Variants in EML6 observed in about 807,000 individuals in gnomAD.
The protein encoded by EML6 is echinoderm microtubule-associated protein-like 6.
In EML6, 154 loss-of-function variants were observed where a neutral mutation model predicts 240.1. The ratio of observed to expected loss-of-function variants is 0.64; its 90% CI spans 0.56 to 0.73. The LOEUF is 0.73. EML6 is among the 30% of genes least tolerant of loss of function. The pLI is 0.00. For synonymous variants in EML6, 1,148 were observed against 899.0 expected, an observed-to-expected ratio of 1.28 and a Z score of -4.95; for missense variants, 2,964 against 2,474.6, an observed-to-expected ratio of 1.20 and a Z score of -4.20.
At chr2:54,781,124 C>T (rs1464545658) in intron 2 of EML6, among the ~76,000 whole-genome samples, 1 of 152,162 alleles carries the variant, frequency 6.6e-6, no homozygotes, top group African/African-American at 2.4e-5. Context: ...GGAATGATCC[C>T]AATGACCCAA....
At chr2:54,733,573 G>A (rs72913538) in intron 2 of EML6, among the ~76,000 whole-genome samples, 3,462 of 152,174 alleles carry the variant, frequency 0.023, 127 homozygotes, top group African/African-American at 0.071. Context: ...AGGGATTCAC[G>A]TCTCTGCTTC....
intron 7 of EML6, 107 bp downstream of exon 7, chr2:54,829,584 T>C: frequency 2.4e-6 from 2 of 831,558 alleles, no homozygotes; most frequent in Non-Finnish European, 3.6e-6. Context: ...GCAGTTTATA[T>C]AAATATATTG....
chr2:54,941,794 C>T (rs563042652), intron 28 of EML6, among the ~76,000 whole-genome samples: 28 of 152,360 alleles, frequency 1.8e-4, no homozygotes, highest in Admixed American at 1.6e-3. Flanking sequence ...AGCACTCCTG[C>T]TCCAGAGCCC....
intron 16 of EML6, 92 bp downstream of exon 16, chr2:54,871,697 G>A (rs538126304): frequency 3.3e-6 from 3 of 905,782 alleles, no homozygotes; most frequent in African/African-American, 1.7e-5. Context: ...ACGCGTGTGT[G>A]TGTATTTAAA....
intron 28 of EML6, among the ~76,000 whole-genome samples, chr2:54,937,844 A>G (rs1221758068): frequency 6.6e-6 from 1 of 152,192 alleles, no homozygotes; most frequent in Non-Finnish European, 1.5e-5. Context: ...TACTGTTTGT[A>G]TTTAAATCAT....
Position 54,968,023 on chromosome 2 carries a change from A to C in EML6, c.5598-105A>C. The C allele has an allele frequency of 3.5e-6, 4 of 1,150,042 alleles. No homozygotes were observed. The South Asian group carries it at 4.4e-5, about 13-fold the overall frequency. 71.2% of individuals were successfully genotyped at this position (1,150,042 alleles called of 1,614,324 possible). On this transcript the variant is annotated intron_variant, in intron 39 of 41. Coordinates refer to ENST00000356458, the MANE Select transcript of EML6 (RefSeq NM_001039753.4). ...GTGGCCTGGCTGTTGGGGACCCCTG[A>C]TGTTAAACATCCCTCTCTTCCTTAT...
chr2:54,797,957 G>C (rs978306411), intron 2 of EML6, among the ~76,000 whole-genome samples: 1 of 152,090 alleles, frequency 6.6e-6, no homozygotes, highest in South Asian at 2.1e-4. Flanking sequence ...CAAGGTTTTA[G>C]TTTTTTAAAA....
intron 12 of EML6, 96 bp downstream of exon 12, chr2:54,859,797 A>C (rs1670580079): frequency 2.0e-6 from 2 of 1,016,840 alleles, no homozygotes; most frequent in South Asian, 4.6e-5. Context: ...GGATTTAAGC[A>C]ATTTTGGAAA....
At chr2:54,950,225 A>T (rs1017124505) in intron 29 of EML6, among the ~76,000 whole-genome samples, 1 of 152,242 alleles carries the variant, frequency 6.6e-6, no homozygotes, top group Non-Finnish European at 1.5e-5. Flanking sequence ...CTTTGACTCT[A>T]TGTTCTGCTC....
intron 2 of EML6, among the ~76,000 whole-genome samples, chr2:54,787,989 A>G (rs1282894474): frequency 6.6e-6 from 1 of 152,052 alleles, no homozygotes; most frequent in Non-Finnish European, 1.5e-5. Context: ...CGCAGACCCA[A>G]AAACCCAGCA....
At chr2:54,859,802 T>A (rs1249799946) in intron 12 of EML6, 101 bp downstream of exon 12, 10 of 983,744 alleles carry the variant, frequency 1.0e-5, no homozygotes, top group Non-Finnish European at 1.1e-5. Context: ...TAAGCAATTT[T>A]GGAAAATTGA....
Position 54,847,740 on chromosome 2 carries a change from GAATA to G in EML6, c.1187+118_1187+121del. ...AAAATCCATTTAGCCATTCAAATAG[GAATA>G]CTATAGATCTACGATCCCCTATCTG... On this transcript the variant is annotated intron_variant, in intron 9 of 41. Coordinates refer to ENST00000356458, the MANE Select transcript of EML6 (RefSeq NM_001039753.4). 7 of 1,027,372 alleles carry G rather than the reference GAATA, an allele frequency of 6.8e-6. No individual in the cohort carries two copies. In the East Asian group the frequency reaches 8.5e-5, roughly 12 times the overall value. The allele number at this position is 1,027,372 out of a possible 1,614,324, so 63.6% of individuals were successfully genotyped here.
At chr2:54,879,445 T>C (rs572676136) in intron 16 of EML6, 102 bp from the exon 17 acceptor site, 17 of 747,904 alleles carry the variant, frequency 2.3e-5, no homozygotes, top group Non-Finnish European at 3.6e-5. Flanking sequence ...ACCTCAAATA[T>C]TTATCAGTTC....
chr2:54,839,621 G>A (rs369215090), intron 7 of EML6, among the ~76,000 whole-genome samples: 8 of 152,216 alleles, frequency 5.3e-5, no homozygotes, highest in Non-Finnish European at 1.0e-4. Context: ...CCGCCTTTAC[G>A]TTGGTTAGTT....
Position 54,827,598 on chromosome 2 carries a change from A to G in EML6, c.558A>G (p.Ala186=). The G allele has an allele frequency of 6.4e-7, 1 of 1,551,656 alleles. No individual in the cohort carries two copies. The highest frequency in any genetic ancestry group is 8.7e-7 in the Non-Finnish European group (1 of 1,146,954). ...FWTLCGNALT[A]KRGIFGKTGD... ...CACTGTGTGGAAATGCCCTGACTGC[A>G]AAAAGAGGGATATTTGGCAAAACAG... The change falls in exon 6 of 42, where the codon GCA becomes GCG. Residue 186 remains alanine, a synonymous_variant. Transcript: ENST00000356458.
chr2:54,941,617 G>A (rs1404763252), intron 28 of EML6, among the ~76,000 whole-genome samples: 1 of 152,222 alleles, frequency 6.6e-6, no homozygotes, highest in Non-Finnish European at 1.5e-5. Context: ...CAATAAATGG[G>A]GAGGAACTTC....
At chr2:54,824,609 T>C (rs1253282420) in intron 5 of EML6, among the ~76,000 whole-genome samples, 3 of 152,168 alleles carry the variant, frequency 2.0e-5, no homozygotes, top group African/African-American at 7.2e-5. Flanking sequence ...GTAAATCCCC[T>C]ATGTTTTGGC....
chr2:54,740,572 G>C (rs1389803940), intron 2 of EML6, among the ~76,000 whole-genome samples: 6 of 152,260 alleles, frequency 3.9e-5, no homozygotes, highest in Admixed American at 1.3e-4. Flanking sequence ...GAATGTCCAA[G>C]GGTCATTTCC....
At chr2:54,907,416 G>A (rs943681761) in intron 24 of EML6, among the ~76,000 whole-genome samples, 1 of 152,180 alleles carries the variant, frequency 6.6e-6, no homozygotes, top group Non-Finnish European at 1.5e-5. Flanking sequence ...CTGAGGCCAG[G>A]AGAATCGCTT....
Sources: gnomAD v4.1 joint callset for allele counts (sites outside exome capture counted in the v4.1 genomes callset) on GRCh38, gnomAD v4.1.1 for gene constraint, MANE v1.5 for transcripts, NCBI Gene and HGNC (gene_info 2026-07-23, HGNC 2026-07-21) for gene names.